FRA10AC1: variants seen among roughly 807,000 people sequenced by gnomAD.
FRA10AC1 encodes the protein FRA10A associated CGG repeat 1.
A neutral mutation model predicts 56.5 loss-of-function variants in FRA10AC1; 43 were observed. That is an observed-to-expected ratio of 0.76 (90% CI 0.60 to 0.98). The LOEUF (loss-of-function observed/expected upper bound fraction) is 0.98, where lower values mean the gene tolerates loss of function less well. Among genes scored for constraint, FRA10AC1 ranks in the 50% least tolerant of loss-of-function variants. The pLI is 0.00. For synonymous variants in FRA10AC1, 112 were observed against 110.5 expected, an observed-to-expected ratio of 1.01 and a Z score of -0.09; for missense variants, 346 against 351.8, an observed-to-expected ratio of 0.98 and a Z score of 0.13.
intron 5 of FRA10AC1, 22 bp downstream of exon 5, chr10:93,694,839 A>G: frequency 2.1e-6 from 3 of 1,426,304 alleles, no homozygotes; most frequent in Admixed American, 3.4e-5. Context: ...ATTCCCTTCT[A>G]TGTAAACTTC....
At chr10:93,685,441 C>T in intron 8 of FRA10AC1, 82 bp from the exon 9 acceptor site, 1 of 668,970 alleles carries the variant, frequency 1.5e-6, no homozygotes, top group Non-Finnish European at 2.6e-6. Flanking sequence ...CTAAAATGTA[C>T]TTCTAAAATA....
At chr10:93,670,020 A>C in intron 13 of FRA10AC1, 152 bp from the exon 14 acceptor site, 1 of 500,088 alleles carries the variant, frequency 2.0e-6, no homozygotes, top group Non-Finnish European at 3.5e-6. Flanking sequence ...CAGCCATCAA[A>C]TAATTCTTAG....
chr10:93,695,024 AAT>A (rs1809111125), intron 4 of FRA10AC1, 87 bp from the exon 5 acceptor site: 2 of 723,262 alleles, frequency 2.8e-6, no homozygotes, highest in Non-Finnish European at 4.9e-6. Context: ...AAAAAAGCAC[AAT>A]ATGAGTCTAT....
chr10:93,689,975 CCTAA>C (rs1320024782), intron 7 of FRA10AC1, among the ~76,000 whole-genome samples: 3 of 151,890 alleles, frequency 2.0e-5, no homozygotes, highest in African/African-American at 4.8e-5. Context: ...TGGACCTAAT[CCTAA>C]CTGATACATT....
intron 12 of FRA10AC1, 99 bp from the exon 13 acceptor site, chr10:93,670,947 C>G: frequency 1.4e-6 from 1 of 714,348 alleles, no homozygotes; most frequent in South Asian, 1.7e-5. Flanking sequence ...AACTCAGCTT[C>G]AACTTTTATG....
At chr10:93,685,541 C>T (rs1024923999) in intron 8 of FRA10AC1, 182 bp from the exon 9 acceptor site, 4 of 374,930 alleles carry the variant, frequency 1.1e-5, no homozygotes, top group African/African-American at 6.5e-5. Flanking sequence ...AGTACTGTTA[C>T]CAAAAAAAAT....
At chr10:93,701,812 G>A (rs1038287990) in intron 1 of FRA10AC1, among the ~76,000 whole-genome samples, 4 of 151,952 alleles carry the variant, frequency 2.6e-5, no homozygotes, top group Non-Finnish European at 4.4e-5. Context: ...TGTGTTTAGA[G>A]ATATATTCTA....
chr10:93,696,576 A>T (rs2059238954), intron 4 of FRA10AC1, among the ~76,000 whole-genome samples: 1 of 152,212 alleles, frequency 6.6e-6, no homozygotes, highest in Admixed American at 6.5e-5. Context: ...ACCAGAAATA[A>T]CATCTGATCC....
At chr10:93,696,371 A>G (rs1564821794) in intron 4 of FRA10AC1, among the ~76,000 whole-genome samples, 1 of 152,230 alleles carries the variant, frequency 6.6e-6, no homozygotes, top group Non-Finnish European at 1.5e-5. Context: ...CTTTGAGACA[A>G]TAACTACTCT....
At chr10:93,696,326 T>C (rs1334987708) in intron 4 of FRA10AC1, among the ~76,000 whole-genome samples, 1 of 152,168 alleles carries the variant, frequency 6.6e-6, no homozygotes, top group Non-Finnish European at 1.5e-5. Flanking sequence ...CTGTTCTCTC[T>C]AACCAAATGA....
chr10:93,693,530 C>CTATA (rs1564820238), intron 5 of FRA10AC1, among the ~76,000 whole-genome samples: 2 of 10,274 alleles, frequency 1.9e-4, no homozygotes, highest in African/African-American at 5.6e-4. Flanking sequence ...TATATATACA[C>CTATA]CATATATATA....
At chr10:93,688,525 C>T (rs560343930) in intron 7 of FRA10AC1, among the ~76,000 whole-genome samples, 5 of 152,204 alleles carry the variant, frequency 3.3e-5, no homozygotes, top group South Asian at 4.2e-4. Flanking sequence ...GATGTATCAA[C>T]GTAGGTTCAC....
intron 5 of FRA10AC1, among the ~76,000 whole-genome samples, chr10:93,693,507 TACACCATATATATATATATACACC>T (rs1564820124): frequency 1.2e-3 from 31 of 25,354 alleles, no homozygotes; most frequent in Non-Finnish European, 2.5e-3. Context: ...TATATATATA[TACACCATATATATATATATACACC>T]ATATATATAT....
chr10:93,685,542 CA>C (rs5787072), intron 8 of FRA10AC1, 183 bp from the exon 9 acceptor site: 178,050 of 383,168 alleles, frequency 0.46, 44,360 homozygotes, highest in Non-Finnish European at 0.52. Context: ...GTACTGTTAC[CA>C]AAAAAAATCA....
At chr10:93,698,927 A>T (rs2059281802) in intron 2 of FRA10AC1, among the ~76,000 whole-genome samples, 1 of 152,212 alleles carries the variant, frequency 6.6e-6, no homozygotes. Context: ...CATTTTTTTA[A>T]ACCTCATTGG....
Position 93,700,127 on chromosome 10 carries a change from A to G in FRA10AC1, c.1-21T>C, listed in dbSNP as rs200852219. Reference sequence around the variant, plus strand: ...TGCATCTGTAAAGGAGTACAAAGTCAGCTATTTAGAATCTATGTTGCCAAT... The same window carrying G: ...TGCATCTGTAAAGGAGTACAAAGTCGGCTATTTAGAATCTATGTTGCCAAT... On this transcript the variant is annotated intron_variant, in intron 1 of 13. Coordinates refer to ENST00000359204, the MANE Select transcript of FRA10AC1 (RefSeq NM_145246.5). 1.6e-3 allele frequency: 2,206 copies of G among 1,401,812 alleles called. 3 individuals carry two copies. Among genetic ancestry groups the G allele is most frequent in the Non-Finnish European group, 1.9e-3 (1,871 of 1,004,686 alleles). 86.8% of individuals were successfully genotyped at this position (1,401,812 alleles called of 1,614,324 possible).
At position 93,692,712 on chromosome 10, in the gene FRA10AC1, T is replaced by A; in HGVS notation, c.314A>T (p.Asp105Val). Residue 105 changes from aspartate to valine, a missense_variant, in exon 6 of 14, where the codon GAC becomes GTC. Coordinates refer to ENST00000359204, the MANE Select transcript of FRA10AC1 (RefSeq NM_145246.5). ...ATGATTTTCTCGTATAACATCCAAG[T>A]CTGTCTTGTCATTTTCCCTGGAAAA... The part of the protein sequence containing the change: ...FKRLGENDKT[D>V]LDVIRENHRF... The A allele has an allele frequency of 1.3e-6, 2 of 1,587,300 alleles. No homozygotes were observed. Among genetic ancestry groups the A allele is most frequent in the South Asian group, 2.3e-5 (2 of 86,318 alleles).
intron 12 of FRA10AC1, chr10:93,673,411 GT>G: frequency 2.2e-6 from 1 of 454,208 alleles, no homozygotes; most frequent in South Asian, 1.6e-5. Context: ...CCATACCTCA[GT>G]TTTTTTCTTC....
At chr10:93,699,602 C>T (rs1343978670) in intron 2 of FRA10AC1, among the ~76,000 whole-genome samples, 1 of 152,192 alleles carries the variant, frequency 6.6e-6, no homozygotes, top group Admixed American at 6.5e-5. Context: ...TGCTCATTCA[C>T]GTATGCGTAA....
Sources: allele counts gnomAD v4.1 joint callset (sites outside exome capture counted in the v4.1 genomes callset), GRCh38; gene constraint gnomAD v4.1.1; transcripts MANE v1.5; gene names NCBI Gene and HGNC (gene_info 2026-07-23, HGNC 2026-07-21).